The following FSTL4 variants were observed in gnomAD, a reference collection of about 807,000 sequenced individuals.
The protein encoded by FSTL4 is follistatin-related protein 4.
FSTL4 carries 28 observed loss-of-function variants against 78.2 expected under a neutral mutation model. The observed-to-expected ratio is 0.36, with a 90% CI of 0.27 to 0.49. The LOEUF is 0.49. Ranked by LOEUF, FSTL4 falls within the 20% of genes least tolerant of loss-of-function variation. The pLI is 0.98. For synonymous variants in FSTL4, 422 were observed against 440.5 expected (o/e 0.96, Z 0.53); for missense variants, 922 against 1,084.9 (o/e 0.85, Z 2.11).
At chr5:133,688,287 C>T in the FSTL4 span, among the ~76,000 whole-genome samples, 1 of 152,132 alleles carries the variant, frequency 6.6e-6, no homozygotes, top group Non-Finnish European at 1.5e-5. Context: ...GTGAAGTATG[C>T]CTGTAGTCCC....
At chr5:133,283,395 G>C (rs186018534) in intron 6 of FSTL4, among the ~76,000 whole-genome samples, 2 of 152,270 alleles carry the variant, frequency 1.3e-5, no homozygotes, top group East Asian at 3.9e-4. Context: ...GGAAAGATGT[G>C]TCCATTGGCA....
the FSTL4 span, among the ~76,000 whole-genome samples, chr5:133,718,217 C>A: frequency 1.5e-4 from 23 of 152,080 alleles, no homozygotes; most frequent in Non-Finnish European, 3.1e-4. Flanking sequence ...CTCAGCCTCC[C>A]GAGTGGTGTG....
chr5:133,367,391 T>C (rs989614584), intron 4 of FSTL4, among the ~76,000 whole-genome samples: 1 of 152,214 alleles, frequency 6.6e-6, no homozygotes, highest in Non-Finnish European at 1.5e-5. Context: ...ATGTCTCTCT[T>C]TAGCCCCAAG....
At chr5:133,712,116 G>A in the FSTL4 span, among the ~76,000 whole-genome samples, 1 of 152,144 alleles carries the variant, frequency 6.6e-6, no homozygotes, top group Non-Finnish European at 1.5e-5. Flanking sequence ...TATCCTATTC[G>A]GAGCAGGCAG....
At chr5:133,554,042 T>G (rs1759738224) in intron 3 of FSTL4, among the ~76,000 whole-genome samples, 1 of 152,182 alleles carries the variant, frequency 6.6e-6, no homozygotes, top group Non-Finnish European at 1.5e-5. Context: ...GCCTACCTCA[T>G]CTATACAAAT....
At chr5:133,486,045 G>A (rs536529165) in intron 3 of FSTL4, among the ~76,000 whole-genome samples, 310 of 152,256 alleles carry the variant, frequency 2.0e-3, no homozygotes, top group Middle Eastern at 0.01. Context: ...CACTCACGGT[G>A]AGAATGGCTC....
the FSTL4 span, among the ~76,000 whole-genome samples, chr5:133,716,055 A>G: frequency 6.6e-6 from 1 of 152,348 alleles, no homozygotes; most frequent in East Asian, 1.9e-4. Context: ...TCATGTGGTC[A>G]TCGATAAGCA....
At chr5:133,357,741 C>T (rs1324640714) in intron 4 of FSTL4, among the ~76,000 whole-genome samples, 1 of 152,124 alleles carries the variant, frequency 6.6e-6, no homozygotes, top group Admixed American at 6.5e-5. Context: ...TGGCCTCTCT[C>T]CCTAGCACCC....
chr5:133,278,764 G>T (rs1035271907), intron 6 of FSTL4, among the ~76,000 whole-genome samples: 1 of 152,188 alleles, frequency 6.6e-6, no homozygotes, highest in African/African-American at 2.4e-5. Context: ...TCTAGAAAAC[G>T]CCAGCCGCTT....
chr5:133,431,173 G>C (rs11740470), intron 3 of FSTL4, among the ~76,000 whole-genome samples: 1 of 151,944 alleles, frequency 6.6e-6, no homozygotes, highest in African/African-American at 2.4e-5. Context: ...CTGAACCCAG[G>C]TGTGGCCTTC....
chr5:133,293,882 A>G (rs1256312328), intron 6 of FSTL4, among the ~76,000 whole-genome samples: 4 of 152,136 alleles, frequency 2.6e-5, no homozygotes, highest in Non-Finnish European at 5.9e-5. Flanking sequence ...TTAGCTCCCT[A>G]ACACACGCCC....
chr5:133,422,467 A>G (rs984701279), intron 3 of FSTL4, among the ~76,000 whole-genome samples: 2 of 151,806 alleles, frequency 1.3e-5, no homozygotes, highest in Non-Finnish European at 2.9e-5. Context: ...GCGGGGTAAG[A>G]AGGACTGTGT....
At chr5:133,705,873 A>G in the FSTL4 span, among the ~76,000 whole-genome samples, 50 of 151,506 alleles carry the variant, frequency 3.3e-4, no homozygotes, top group African/African-American at 1.1e-3. Context: ...ACACACGCAC[A>G]CACACACACA....
At chr5:133,322,217 A>C (rs1051079952) in intron 4 of FSTL4, among the ~76,000 whole-genome samples, 3 of 139,692 alleles carry the variant, frequency 2.1e-5, no homozygotes, top group African/African-American at 2.9e-5. Context: ...CCACTTACAC[A>C]CACACACCCA....
At chr5:133,809,735 C>T in the FSTL4 span, among the ~76,000 whole-genome samples, 99 of 152,266 alleles carry the variant, frequency 6.5e-4, no homozygotes, top group Admixed American at 1.1e-3. Context: ...ATACCTGAAG[C>T]TGCCAATGCC....
At chr5:133,363,720 C>A (rs1279335704) in intron 4 of FSTL4, among the ~76,000 whole-genome samples, 2 of 152,164 alleles carry the variant, frequency 1.3e-5, no homozygotes, top group Non-Finnish European at 2.9e-5. Context: ...CATCTCAGAG[C>A]TGGCAGGCCG....
the FSTL4 span, among the ~76,000 whole-genome samples, chr5:133,624,522 C>T: frequency 2.0e-5 from 3 of 151,614 alleles, no homozygotes; most frequent in African/African-American, 7.3e-5. Context: ...GTGATGGTTG[C>T]GCAACATCGT....
chr5:133,552,391 C>T (rs1347893623), intron 3 of FSTL4, among the ~76,000 whole-genome samples: 2 of 152,172 alleles, frequency 1.3e-5, no homozygotes, highest in Non-Finnish European at 2.9e-5. Context: ...TGTGGAAAAG[C>T]AGGAGAGCAT....
At chr5:133,518,502 AG>A (rs1375184946) in intron 3 of FSTL4, among the ~76,000 whole-genome samples, 1 of 152,202 alleles carries the variant, frequency 6.6e-6, no homozygotes, top group Non-Finnish European at 1.5e-5. Flanking sequence ...CAGGTGGGGA[AG>A]GGGGCAGCAT....
Sources: gnomAD v4.1 joint callset for allele counts (sites outside exome capture counted in the v4.1 genomes callset) on GRCh38, gnomAD v4.1.1 for gene constraint, MANE v1.5 for transcripts, NCBI Gene and HGNC (gene_info 2026-07-23, HGNC 2026-07-21) for gene names.